Variants in TEX9 observed in about 807,000 individuals in gnomAD.
TEX9 encodes testis expressed 9.
In TEX9, 74 loss-of-function variants were observed where a neutral mutation model predicts 59.6. The observed-to-expected ratio is 1.24, with a 90% CI of 1.03 to 1.51. The LOEUF (loss-of-function observed/expected upper bound fraction) is 1.51. TEX9 is among the 40% of genes most tolerant of loss of function. TEX9 has a pLI of 0.00. For missense variants in TEX9, 522 were observed against 447.8 expected (o/e 1.17, Z -1.49); for synonymous variants, 186 against 152.2 (o/e 1.22, Z -1.64).
At chr15:56,405,288 C>A (rs2049021310) in intron 9 of TEX9, among the ~76,000 whole-genome samples, 2 of 137,792 alleles carry the variant, frequency 1.5e-5, no homozygotes, top group Admixed American at 1.5e-4. Context: ...GCCTGGGTGA[C>A]AGAGCAAGAC....
Position 56,259,767 on chromosome 15 carries a change from A to G in TEX9, c.-107+15489A>G, listed in dbSNP as rs931219441. Among the ~76,000 whole-genome samples the G allele has an allele frequency of 1.9e-4, 29 of 152,058 alleles. 1 individual carries two copies. Among genetic ancestry groups the G allele is most frequent in the African/African-American group, 6.5e-4 (27 of 41,452 alleles). On this transcript the variant is annotated intron_variant, in intron 1 of 5. Transcript: ENST00000560827. ...TTGAAATCTCTAATACATTTCCACA[A>G]AAATTCTGTTAGGATCTTGACTGGG...
At chr15:56,443,855 C>T in intron 12 of TEX9, 1 of 1,590,716 alleles carries the variant, frequency 6.3e-7, no homozygotes, top group South Asian at 1.2e-5. Flanking sequence ...TTGTTTTTCC[C>T]TGAAAAGCAA....
At position 56,421,484 on chromosome 15, in the gene TEX9, C is replaced by T. The variant is rs576899147; in HGVS notation, c.964-6121C>T. On this transcript the variant is annotated intron_variant, in intron 10 of 12. Transcript: ENST00000352903. ...AGACTTTTGGATTAGGGATACTCAA[C>T]CTGTATTACCTTTGTTTGATATTCA... 16 of 151,944 alleles carry T rather than the reference C, an allele frequency of 1.1e-4. 1 individual carries two copies. The highest frequency in any genetic ancestry group is 6.5e-4 in the Admixed American group (10 of 15,270). 9.4% of individuals were successfully genotyped at this position (151,944 alleles called of 1,614,324 possible). A position where few individuals can be genotyped will look rare whatever the true frequency, so the allele number is the denominator to read the frequency against.
Position 56,392,238 on chromosome 15 carries a change from G to T in TEX9, c.571+820G>T, listed in dbSNP as rs564294390. ...TACCTGAGACTGTGTAATTTATAAA[G>T]AAATGGTTTAATTGGCTCATGGTAC... is the stretch of plus-strand genomic sequence containing the variant. On this transcript the variant is annotated intron_variant, in intron 7 of 12. Transcript: ENST00000352903. Among the ~76,000 whole-genome samples, 6 of 152,288 alleles carry T rather than the reference G, an allele frequency of 3.9e-5. No homozygotes were observed. In the East Asian group the frequency reaches 1.2e-3, roughly 29 times the overall value.
intron 12 of TEX9, among the ~76,000 whole-genome samples, chr15:56,432,075 A>T (rs2050612324): frequency 6.6e-6 from 1 of 152,188 alleles, no homozygotes; most frequent in African/African-American, 2.4e-5. Flanking sequence ...CTGTACTTGC[A>T]TTCAAACCTA....
At chr15:56,414,626 C>T (rs2049581040) in intron 10 of TEX9, among the ~76,000 whole-genome samples, 1 of 151,788 alleles carries the variant, frequency 6.6e-6, no homozygotes, top group Admixed American at 6.6e-5. Context: ...ACCAAATTTT[C>T]TTTATCCATT....
At chr15:56,400,255 G>A (rs1343630190) in intron 9 of TEX9, among the ~76,000 whole-genome samples, 1 of 152,156 alleles carries the variant, frequency 6.6e-6, no homozygotes, top group Non-Finnish European at 1.5e-5. Flanking sequence ...TAGACGAATG[G>A]CTAACTAGAA....
intron 1 of TEX9, among the ~76,000 whole-genome samples, chr15:56,329,419 A>G (rs1455042164): frequency 6.6e-6 from 1 of 152,180 alleles, no homozygotes; most frequent in East Asian, 1.9e-4. Context: ...GGAAAACATA[A>G]TGACACCAAA....
At chr15:56,382,484 G>A (rs535003432) in intron 3 of TEX9, among the ~76,000 whole-genome samples, 1 of 152,278 alleles carries the variant, frequency 6.6e-6, no homozygotes, top group East Asian at 1.9e-4. Context: ...CCTGAAGTCA[G>A]TATGTCTCAG....
At chr15:56,246,980 ATGG>A (rs1249656894) in intron 1 of TEX9, among the ~76,000 whole-genome samples, 9 of 152,214 alleles carry the variant, frequency 5.9e-5, no homozygotes, top group South Asian at 2.1e-4. Context: ...TATCTACAAG[ATGG>A]ATTGTCAGCA....
chr15:56,448,763 T>C (rs1162273761), downstream of TEX9, among the ~76,000 whole-genome samples: 1 of 148,930 alleles, frequency 6.7e-6, no homozygotes, highest in Non-Finnish European at 1.5e-5. Flanking sequence ...TTTTTTTTTT[T>C]TTTTTTTGGA....
chr15:56,389,707 A>G (rs917750729), intron 6 of TEX9, among the ~76,000 whole-genome samples: 3 of 150,946 alleles, frequency 2.0e-5, no homozygotes, highest in Admixed American at 2.0e-4. Flanking sequence ...TTTTTTTTTA[A>G]TCTCTGCCTA....
chr15:56,435,134 C>T (rs779345000), intron 12 of TEX9, among the ~76,000 whole-genome samples: 41 of 152,000 alleles, frequency 2.7e-4, no homozygotes, highest in Non-Finnish European at 4.6e-4. Context: ...TTGTGAGATG[C>T]TGCTAAAGCA....
intron 12 of TEX9, among the ~76,000 whole-genome samples, chr15:56,439,944 C>G (rs147274218): frequency 2.5e-4 from 38 of 152,048 alleles, no homozygotes; most frequent in Non-Finnish European, 3.8e-4. Flanking sequence ...AAATCGTGCT[C>G]TAAGATCATG....
At chr15:56,357,153 T>C (rs911114070) in intron 1 of TEX9, among the ~76,000 whole-genome samples, 40 of 152,248 alleles carry the variant, frequency 2.6e-4, no homozygotes, top group African/African-American at 9.6e-4. Context: ...AGTTTGAGAA[T>C]AGAACTAGAC....
chr15:56,267,124 C>A (rs1345543626), intron 1 of TEX9, among the ~76,000 whole-genome samples: 3 of 152,156 alleles, frequency 2.0e-5, no homozygotes, highest in African/African-American at 7.2e-5. Flanking sequence ...TAAATGTCTT[C>A]TTTTGAAAAG....
intron 1 of TEX9, among the ~76,000 whole-genome samples, chr15:56,317,738 C>G (rs1405596671): frequency 6.6e-6 from 1 of 152,052 alleles, no homozygotes; most frequent in African/African-American, 2.4e-5. Context: ...AAGGTATTTC[C>G]TAATTTCCCT....
upstream of TEX9, chr15:56,365,304 G>T (rs548683476): frequency 4.1e-5 from 46 of 1,108,756 alleles, no homozygotes; most frequent in Admixed American, 4.1e-4. Flanking sequence ...AGCAAAGGCC[G>T]AGCCCGCTGC....
At chr15:56,364,939 G>C (rs1596118829), upstream of TEX9, among the ~76,000 whole-genome samples, 1 of 152,290 alleles carries the variant, frequency 6.6e-6, no homozygotes, top group South Asian at 2.1e-4. Flanking sequence ...ATTTGCCCAA[G>C]GCCATATAAC....
Sources: allele counts gnomAD v4.1 joint callset (sites outside exome capture counted in the v4.1 genomes callset), GRCh38; gene constraint gnomAD v4.1.1; transcripts MANE v1.5; gene names NCBI Gene and HGNC (gene_info 2026-07-23, HGNC 2026-07-21).